RBM20: variants seen among roughly 807,000 people sequenced by gnomAD.
RBM20 encodes the protein RNA-binding protein 20.
Under a neutral mutation model 110.1 loss-of-function variants are expected in RBM20, and 51 were observed. That is an observed-to-expected ratio of 0.46 (90% confidence interval 0.37 to 0.59). RBM20 has a LOEUF of 0.59. Ranked by LOEUF, RBM20 falls within the 20% of genes least tolerant of loss-of-function variation. The pLI is 0.00. For synonymous variants in RBM20, 589 were observed against 618.2 expected, an observed-to-expected ratio of 0.95 and a Z score of 0.70; for missense variants, 1,512 against 1,574.9, an observed-to-expected ratio of 0.96 and a Z score of 0.68.
chr10:110,812,795 G>A lies in RBM20; in HGVS notation c.2398G>A (p.Asp800Asn). The change falls in exon 9 of 14, where the codon GAC (aspartate) becomes AAC (asparagine). Residue 800 changes from aspartate to asparagine, a missense_variant. Asp to Asn is a conservative substitution (Grantham distance 23, BLOSUM62 1). This residue lies in a region of RBM20 where 1,149 missense variants were observed against 1,169.4 expected (regional missense o/e 0.98). Transcript: ENST00000369519. ...LRESRHPHPD[D>N]SGKEDGLGPK... ...GGAAAGCAGACACCCCCATCCGGAT[G>A]ACTCAGGCAAGGAAGATGGGCTGGG... 1 of 1,551,338 alleles carries A rather than the reference G, an allele frequency of 6.4e-7. No homozygotes were observed. Among genetic ancestry groups the A allele is most frequent in the Non-Finnish European group, 8.7e-7 (1 of 1,146,750 alleles).
intron 1 of RBM20, among the ~76,000 whole-genome samples, chr10:110,715,709 C>T (rs1467702553): frequency 6.6e-6 from 1 of 152,198 alleles, no homozygotes; most frequent in African/African-American, 2.4e-5. Flanking sequence ...GTTCCACCAT[C>T]TTATAGCTGA....
intron 9 of RBM20, among the ~76,000 whole-genome samples, chr10:110,819,821 A>G (rs769924193): frequency 1.3e-5 from 2 of 152,202 alleles, no homozygotes; most frequent in Admixed American, 6.5e-5. Flanking sequence ...CCAGGCTTCA[A>G]GACATTTCTC....
intron 11 of RBM20, 29 bp from the exon 12 acceptor site, chr10:110,823,451 T>TCC: frequency 1.9e-6 from 2 of 1,047,916 alleles, no homozygotes; most frequent in East Asian, 3.9e-5. Flanking sequence ...TTTTTTTTTT[T>TCC]TTTTTTTGCC....
intron 1 of RBM20, among the ~76,000 whole-genome samples, chr10:110,648,967 G>A (rs1861907867): frequency 6.6e-6 from 1 of 152,128 alleles, no homozygotes; most frequent in African/African-American, 2.4e-5. Context: ...CTGTTCTAAT[G>A]CCAGTGCTGT....
chr10:110,836,710 C>G lies in RBM20; in HGVS notation c.*732C>G, dbSNP rs1164627154. 2 of 152,238 alleles carry G rather than the reference C, an allele frequency of 1.3e-5. No individual in the cohort carries two copies. The highest frequency in any genetic ancestry group is 2.9e-5 in the Non-Finnish European group (2 of 68,036). The allele number at this position is 152,238 out of a possible 1,614,324, so 9.4% of individuals were successfully genotyped here. Reference sequence around the variant, plus strand: ...TTTAGAGAAGATGAAAAGAGCCCTTCATTTTGGAAGCTCTGATAAGTTTCC... The same window carrying G: ...TTTAGAGAAGATGAAAAGAGCCCTTGATTTTGGAAGCTCTGATAAGTTTCC... On this transcript the variant is annotated 3_prime_UTR_variant, in exon 14 of 14. Coordinates refer to ENST00000369519, the MANE Select transcript of RBM20 (RefSeq NM_001134363.3).
At chr10:110,817,586 A>G (rs1844856443) in intron 9 of RBM20, among the ~76,000 whole-genome samples, 1 of 152,244 alleles carries the variant, frequency 6.6e-6, no homozygotes, top group East Asian at 1.9e-4. Flanking sequence ...CGTGGAGCTC[A>G]TAGTCTAGTG....
intron 1 of RBM20, among the ~76,000 whole-genome samples, chr10:110,705,734 C>A (rs1700308596): frequency 6.6e-6 from 1 of 152,094 alleles, no homozygotes; most frequent in Non-Finnish European, 1.5e-5. Context: ...GAACCTAAAC[C>A]AACAAAACAA....
chr10:110,654,276 A>T (rs1861989819), intron 1 of RBM20, among the ~76,000 whole-genome samples: 1 of 152,196 alleles, frequency 6.6e-6, no homozygotes, highest in Admixed American at 6.5e-5. Context: ...CCTTGCAAAT[A>T]TGTTTGCGTT....
At chr10:110,830,973 C>G (rs1282105050) in intron 12 of RBM20, 88 bp from the exon 13 acceptor site, 6 of 1,347,328 alleles carry the variant, frequency 4.5e-6, no homozygotes, top group Non-Finnish European at 6.0e-6. Context: ...GCTCGTGGCT[C>G]CCATTTCTAC....
At chr10:110,723,675 A>T (rs1311757213) in intron 1 of RBM20, among the ~76,000 whole-genome samples, 3 of 152,228 alleles carry the variant, frequency 2.0e-5, no homozygotes, top group African/African-American at 7.2e-5. Context: ...TTAGTGACTA[A>T]CAATGTTGAA....
chr10:110,813,090 T>G, intron 9 of RBM20, 143 bp downstream of exon 9: 1 of 610,558 alleles, frequency 1.6e-6, no homozygotes, highest in Non-Finnish European at 2.6e-6. Context: ...GCAAGACACT[T>G]TATCTCAATG....
Position 110,810,798 on chromosome 10 carries a change from T to TGTGTGTGTGTGTGTGTGCGTGTGTGC in RBM20, c.1880+348_1880+373dup, listed in dbSNP as rs1590694631. On this transcript the variant is annotated intron_variant, in intron 8 of 13. Coordinates refer to ENST00000369519, the MANE Select transcript of RBM20 (RefSeq NM_001134363.3). ...TAAAACAGCCTAAAAGTAATGCGTGTGTGTGTGTGTGTGTGTGCGTGTGTG... is the reference window on the plus strand; with the variant it reads ...TAAAACAGCCTAAAAGTAATGCGTGTGTGTGTGTGTGTGTGTGCGTGTGTGCGTGTGTGTGTGTGTGTGCGTGTGTG... Among the ~76,000 whole-genome samples the TGTGTGTGTGTGTGTGTGCGTGTGTGC allele has an allele frequency of 7.3e-5, 11 of 149,764 alleles. No individual in the cohort carries two copies. In the East Asian group the frequency reaches 2.2e-3, roughly 30 times the overall value.
Position 110,812,610 on chromosome 10 carries a change from C to G in RBM20, c.2213C>G (p.Pro738Arg), listed in dbSNP as rs397516601. Residue 738 changes from proline to arginine, a missense_variant, in exon 9 of 14, where the codon CCG (proline) becomes CGG (arginine). By Grantham distance (103) the Pro-to-Arg change is moderately radical. This residue lies in a region of RBM20 where 1,149 missense variants were observed against 1,169.4 expected (regional missense o/e 0.98). Coordinates refer to ENST00000369519, the MANE Select transcript of RBM20 (RefSeq NM_001134363.3). Reference protein sequence around the residue: ...EGGRPHREKYPRSGSPNLPHS... With the variant: ...EGGRPHREKYRRSGSPNLPHS... ...GGGAGGCCCCACCGGGAGAAGTACCCGAGATCTGGGTCTCCCAACCTGCCC... is the reference window on the plus strand; with the variant it reads ...GGGAGGCCCCACCGGGAGAAGTACCGGAGATCTGGGTCTCCCAACCTGCCC... 7.1e-6 allele frequency: 11 copies of G among 1,551,626 alleles called. No homozygotes were observed. Among genetic ancestry groups the G allele is most frequent in the Non-Finnish European group, 9.6e-6 (11 of 1,146,992 alleles).
chr10:110,780,567 G>T (rs1844323635), intron 1 of RBM20, among the ~76,000 whole-genome samples: 1 of 146,390 alleles, frequency 6.8e-6, no homozygotes, highest in African/African-American at 2.5e-5. Context: ...TTTAGTTTAT[G>T]TTTCTACTTA....
At chr10:110,719,028 A>G (rs1843471698) in intron 1 of RBM20, among the ~76,000 whole-genome samples, 1 of 152,188 alleles carries the variant, frequency 6.6e-6, no homozygotes. Context: ...CTTTTTCTGT[A>G]GAGGGAAAGT....
intron 1 of RBM20, among the ~76,000 whole-genome samples, chr10:110,776,431 G>A (rs1049919757): frequency 6.6e-6 from 1 of 152,230 alleles, no homozygotes; most frequent in South Asian, 2.1e-4. Context: ...CTGGACTACG[G>A]TCAAGGTGTT....
intron 1 of RBM20, among the ~76,000 whole-genome samples, chr10:110,706,897 G>C (rs1862847593): frequency 6.6e-6 from 1 of 152,106 alleles, no homozygotes; most frequent in Admixed American, 6.6e-5. Context: ...ATAGCAGTAA[G>C]AAGGAATTCT....
intron 12 of RBM20, chr10:110,827,910 ATG>A (rs1845002235): frequency 6.6e-6 from 1 of 152,172 alleles, no homozygotes; most frequent in African/African-American, 2.4e-5. Context: ...GAAATAAGGG[ATG>A]TCAAGGACTG....
At chr10:110,806,220 G>C (rs1844692751) in intron 7 of RBM20, among the ~76,000 whole-genome samples, 1 of 151,090 alleles carries the variant, frequency 6.6e-6, no homozygotes, top group Non-Finnish European at 1.5e-5. Context: ...GTGAGCCAAG[G>C]TCGCACCACT....
Sources: allele counts gnomAD v4.1 joint callset (sites outside exome capture counted in the v4.1 genomes callset), GRCh38; gene constraint gnomAD v4.1.1; regional missense constraint gnomAD v4.1.1; transcripts MANE v1.5; gene names NCBI Gene and HGNC (gene_info 2026-07-23, HGNC 2026-07-21).